The following COMMD1 variants were observed in gnomAD, a reference collection of about 807,000 sequenced individuals.
The protein encoded by COMMD1 is COMM domain-containing protein 1.
A neutral mutation model predicts 17.2 loss-of-function variants in COMMD1; 10 were observed. The ratio of observed to expected loss-of-function variants is 0.58; its 90% CI spans 0.36 to 0.99. COMMD1 has a LOEUF of 0.99. Ranked by LOEUF, COMMD1 falls within the 50% of genes least tolerant of loss-of-function variation. COMMD1 has a pLI of 0.01. For synonymous variants in COMMD1, 97 were observed against 91.6 expected (o/e 1.06, Z -0.34); for missense variants, 270 against 231.8 (o/e 1.17, Z -1.07).
Position 62,084,439 on chromosome 2 carries a change from C to G in COMMD1, c.463-51392C>G, listed in dbSNP as rs149829642. ...ATAAAATATATTTACTATTCATTAA[C>G]TAGAAGTAGATCCTCATAAAGCTCT... On this transcript the variant is annotated intron_variant, in intron 2 of 2. Transcript: ENST00000311832. 2.3e-3 allele frequency among the ~76,000 whole-genome samples: 353 copies of G among 152,162 alleles called. 1 individual carries two copies. Among genetic ancestry groups the G allele is most frequent in the Non-Finnish European group, 3.8e-3 (261 of 67,992 alleles).
intron 1 of COMMD1, among the ~76,000 whole-genome samples, chr2:61,910,917 C>G (rs1421268885): frequency 1.3e-5 from 2 of 151,432 alleles, no homozygotes; most frequent in African/African-American, 2.4e-5. Flanking sequence ...AACCCCGTCT[C>G]TACTAAAAAT....
At chr2:62,044,877 A>G (rs1240032912) in intron 2 of COMMD1, among the ~76,000 whole-genome samples, 1 of 152,084 alleles carries the variant, frequency 6.6e-6, no homozygotes, top group East Asian at 1.9e-4. Context: ...CTTCCTGAAT[A>G]AACTATCAAA....
intron 2 of COMMD1, among the ~76,000 whole-genome samples, chr2:62,102,213 A>C (rs1385833873): frequency 6.6e-6 from 1 of 152,188 alleles, no homozygotes; most frequent in Non-Finnish European, 1.5e-5. Context: ...ATGACATCTC[A>C]CGTTGACTAT....
intron 2 of COMMD1, among the ~76,000 whole-genome samples, chr2:62,045,730 ATTTTTTTTTTTT>A (rs71410917): frequency 3.5e-5 from 3 of 84,898 alleles, no homozygotes; most frequent in Non-Finnish European, 6.8e-5. Flanking sequence ...TTTCAAGTTA[ATTTTTTTTTTTT>A]TTTTTTTTTT....
chr2:61,912,884 G>C (rs536994623), intron 1 of COMMD1, among the ~76,000 whole-genome samples: 1 of 152,250 alleles, frequency 6.6e-6, no homozygotes, highest in Admixed American at 6.5e-5. Flanking sequence ...TTTACCATCT[G>C]AACGTTTACA....
intron 2 of COMMD1, among the ~76,000 whole-genome samples, chr2:62,074,887 T>G (rs1477599863): frequency 2.0e-5 from 3 of 147,488 alleles, no homozygotes; most frequent in African/African-American, 5.0e-5. Context: ...TGTGTGGTTT[T>G]TTTTTTTTTT....
intron 2 of COMMD1, among the ~76,000 whole-genome samples, chr2:62,133,216 C>T (rs1009862336): frequency 6.6e-6 from 1 of 152,212 alleles, no homozygotes; most frequent in Non-Finnish European, 1.5e-5. Context: ...TCCCTTTGTA[C>T]TTATTTCTCC....
chr2:61,993,802 A>G (rs550694320), intron 1 of COMMD1, among the ~76,000 whole-genome samples: 1 of 152,348 alleles, frequency 6.6e-6, no homozygotes, highest in African/African-American at 2.4e-5. Context: ...AACCCAACCA[A>G]AATAACTTTT....
At chr2:61,905,935 T>G in intron 1 of COMMD1, 77 bp downstream of exon 1, 1 of 1,435,302 alleles carries the variant, frequency 7.0e-7, no homozygotes, top group Non-Finnish European at 9.8e-7. Flanking sequence ...CCCCCTTGCC[T>G]TCCCCTGTCC....
chr2:62,021,167 C>G (rs1022371960), intron 2 of COMMD1, among the ~76,000 whole-genome samples: 5 of 152,144 alleles, frequency 3.3e-5, no homozygotes, highest in African/African-American at 1.2e-4. Context: ...TCTTTTAGAT[C>G]GTTTTCTTGA....
At chr2:61,926,155 T>G (rs1430805167) in intron 1 of COMMD1, among the ~76,000 whole-genome samples, 2 of 152,078 alleles carry the variant, frequency 1.3e-5, no homozygotes. Context: ...TATTTTTTAG[T>G]AGAGACGGGG....
chr2:62,004,828 C>T (rs1669067112), intron 2 of COMMD1, among the ~76,000 whole-genome samples: 1 of 152,134 alleles, frequency 6.6e-6, no homozygotes, highest in Non-Finnish European at 1.5e-5. Flanking sequence ...CACCTATAGG[C>T]ACCCACATCA....
chr2:62,131,530 T>C (rs146541032), intron 2 of COMMD1, among the ~76,000 whole-genome samples: 469 of 152,174 alleles, frequency 3.1e-3, no homozygotes, highest in Non-Finnish European at 5.3e-3. Context: ...TTTTTCCTTT[T>C]CCTTTCCCTT....
At chr2:62,134,491 C>T (rs1673131121) in intron 2 of COMMD1, among the ~76,000 whole-genome samples, 1 of 151,188 alleles carries the variant, frequency 6.6e-6, no homozygotes, top group Non-Finnish European at 1.5e-5. Flanking sequence ...CCTTGTCTCT[C>T]AAGATAATGC....
At chr2:61,899,942 G>A (rs999622171) in intron 1 of COMMD1, among the ~76,000 whole-genome samples, 1 of 152,180 alleles carries the variant, frequency 6.6e-6, no homozygotes, top group Non-Finnish European at 1.5e-5. Context: ...AAAGTGCTGG[G>A]ATCACAGGTG....
At chr2:61,988,974 A>T (rs1385974035) in intron 1 of COMMD1, among the ~76,000 whole-genome samples, 1 of 152,110 alleles carries the variant, frequency 6.6e-6, no homozygotes, top group Non-Finnish European at 1.5e-5. Context: ...CCCTCTCCCA[A>T]ACACACAGAT....
intron 2 of COMMD1, chr2:62,070,045 A>G (rs1671157020): frequency 6.6e-6 from 1 of 152,256 alleles, no homozygotes; most frequent in African/African-American, 2.4e-5. Context: ...CCCTCACTTC[A>G]GATGCCTGTT....
intron 2 of COMMD1, among the ~76,000 whole-genome samples, chr2:62,081,751 A>G (rs527326726): frequency 6.8e-4 from 103 of 152,234 alleles, no homozygotes; most frequent in African/African-American, 2.3e-3. Context: ...TTTGAATTAC[A>G]GGAATTTAAA....
At chr2:62,002,820 T>C (rs1284014951) in intron 2 of COMMD1, among the ~76,000 whole-genome samples, 2 of 151,618 alleles carry the variant, frequency 1.3e-5, no homozygotes, top group African/African-American at 4.8e-5. Flanking sequence ...CACATCACTG[T>C]ACTCCAGGCT....
Sources: allele counts gnomAD v4.1 joint callset (sites outside exome capture counted in the v4.1 genomes callset), GRCh38; gene constraint gnomAD v4.1.1; transcripts MANE v1.5; gene names NCBI Gene and HGNC (gene_info 2026-07-23, HGNC 2026-07-21).